Variants in AMPH observed in about 807,000 individuals in gnomAD.
AMPH encodes the protein amphiphysin, also known as amphiphysin (Stiff-Mann syndrome with breast cancer 128kD autoantigen).
AMPH carries 49 observed loss-of-function variants against 99.1 expected under a neutral mutation model. That is an observed-to-expected ratio of 0.49 (90% CI 0.39 to 0.63). AMPH has a LOEUF of 0.63. Among genes scored for constraint, AMPH ranks in the 20% least tolerant of loss-of-function variants. AMPH has a pLI of 0.00. For synonymous variants in AMPH, 314 were observed against 317.3 expected (o/e 0.99, Z 0.11); for missense variants, 759 against 863.4 (o/e 0.88, Z 1.52).
At chr7:38,621,529 T>A (rs956122571) in intron 1 of AMPH, among the ~76,000 whole-genome samples, 1 of 152,204 alleles carries the variant, frequency 6.6e-6, no homozygotes, top group Non-Finnish European at 1.5e-5. Flanking sequence ...CAACAACTTT[T>A]AGGTGCCTTG....
At chr7:38,509,029 G>A (rs556178940) in intron 2 of AMPH, among the ~76,000 whole-genome samples, 2 of 152,238 alleles carry the variant, frequency 1.3e-5, no homozygotes, top group South Asian at 2.1e-4. Flanking sequence ...AAAAGTTCAG[G>A]TGCTGTTAAA....
At chr7:38,610,162 G>A (rs1793575453) in intron 1 of AMPH, among the ~76,000 whole-genome samples, 1 of 147,388 alleles carries the variant, frequency 6.8e-6, no homozygotes, top group African/African-American at 2.5e-5. Flanking sequence ...CTTGAACCTA[G>A]GAGGCAGAGG....
At chr7:38,429,784 T>A in intron 14 of AMPH, 58 bp downstream of exon 14, 1 of 1,497,296 alleles carries the variant, frequency 6.7e-7, no homozygotes, top group East Asian at 2.3e-5. Context: ...AAATATACTA[T>A]GTATGTAATG....
At chr7:38,567,280 A>G (rs972403289) in intron 1 of AMPH, among the ~76,000 whole-genome samples, 1 of 152,194 alleles carries the variant, frequency 6.6e-6, no homozygotes, top group African/African-American at 2.4e-5. Flanking sequence ...TCAGCAAACT[A>G]TCACAAGGAC....
intron 15 of AMPH, 127 bp downstream of exon 15, chr7:38,426,826 TG>T: frequency 1.4e-6 from 1 of 737,474 alleles, no homozygotes; most frequent in Non-Finnish European, 2.3e-6. Flanking sequence ...CTGTAAGTAG[TG>T]GGGTCCAATT....
chr7:38,623,563 A>T (rs917929169), intron 1 of AMPH, among the ~76,000 whole-genome samples: 1 of 152,224 alleles, frequency 6.6e-6, no homozygotes, highest in Non-Finnish European at 1.5e-5. Context: ...TGCAGGCAAC[A>T]AAAGAGATTT....
At chr7:38,476,233 A>C (rs1788081364) in intron 6 of AMPH, among the ~76,000 whole-genome samples, 1 of 152,200 alleles carries the variant, frequency 6.6e-6, no homozygotes, top group Non-Finnish European at 1.5e-5. Context: ...TTTATGCTGT[A>C]CTAAGAAATA....
At chr7:38,625,444 C>A (rs549006938) in intron 1 of AMPH, among the ~76,000 whole-genome samples, 29 of 152,210 alleles carry the variant, frequency 1.9e-4, no homozygotes, top group Admixed American at 7.8e-4. Context: ...AAACAAAAAG[C>A]TGCATGAAAA....
intron 15 of AMPH, among the ~76,000 whole-genome samples, chr7:38,423,347 C>T (rs1457993039): frequency 1.3e-5 from 2 of 152,170 alleles, no homozygotes; most frequent in African/African-American, 2.4e-5. Flanking sequence ...CAGGCTTGCA[C>T]CCTCCAAACA....
At chr7:38,472,545 A>T (rs948189675) in intron 7 of AMPH, among the ~76,000 whole-genome samples, 6 of 152,202 alleles carry the variant, frequency 3.9e-5, no homozygotes, top group Non-Finnish European at 7.4e-5. Flanking sequence ...TTATACATGT[A>T]AAGTACATAA....
Position 38,445,010 on chromosome 7 carries a change from T to TATATATATATATACACACACAC in AMPH, c.1018-8623_1018-8622insGTGTGTGTGTATATATATATAT, listed in dbSNP as rs1458295332. ...ATATACATATATATATATATATATA[T>TATATATATATATACACACACAC]ACACACACACACACGGTATATACAT... On this transcript the variant is annotated intron_variant, in intron 11 of 20. Transcript: ENST00000356264. Among the ~76,000 whole-genome samples, 6 of 125,978 alleles carry TATATATATATATACACACACAC rather than the reference T, an allele frequency of 4.8e-5. No homozygotes were observed. The East Asian group carries it at 1.7e-3, about 35-fold the overall frequency. The allele number at this position is 125,978 out of a possible 152,430, so 82.6% of individuals were successfully genotyped here.
chr7:38,556,379 G>A (rs1422550532), intron 1 of AMPH, among the ~76,000 whole-genome samples: 4 of 152,178 alleles, frequency 2.6e-5, no homozygotes, highest in Non-Finnish European at 4.4e-5. Context: ...AAAAATGAAT[G>A]AGAAACTGCC....
intron 4 of AMPH, among the ~76,000 whole-genome samples, chr7:38,492,363 G>A (rs1205827144): frequency 6.6e-6 from 1 of 152,194 alleles, no homozygotes; most frequent in Non-Finnish European, 1.5e-5. Context: ...TGCCCGTGAA[G>A]GCATGCTAAA....
At position 38,389,887 on chromosome 7, in the gene AMPH, A is replaced by G. The variant is rs964117064; in HGVS notation, c.1897T>C (p.Phe633Leu). The change falls in exon 20 of 21, where the codon TTT becomes CTT. Residue 633 changes from phenylalanine (F) to leucine (L), a missense_variant. By Grantham distance (22) the Phe-to-Leu change is conservative (BLOSUM62 0). This residue lies in a region of AMPH where 554 missense variants were observed against 575.6 expected (regional missense o/e 0.96). Coordinates refer to ENST00000356264, the MANE Select transcript of AMPH (RefSeq NM_001635.4). ...FLYKVETLHD[F>L]EAANSDELTL... Reference sequence around the variant, plus strand: ...AGTTCATCAGAATTTGCTGCCTCAAAATCATGCAGTGTTTCCACCTGCAGA... The same window carrying G: ...AGTTCATCAGAATTTGCTGCCTCAAGATCATGCAGTGTTTCCACCTGCAGA... 6 of 1,613,534 alleles carry G rather than the reference A, an allele frequency of 3.7e-6. No individual in the cohort carries two copies. The African/African-American group carries it at 6.7e-5, about 18-fold the overall frequency.
intron 1 of AMPH, among the ~76,000 whole-genome samples, chr7:38,543,877 C>T (rs2129043791): frequency 6.6e-6 from 1 of 152,206 alleles, no homozygotes; most frequent in African/African-American, 2.4e-5. Flanking sequence ...TACAGAGTCT[C>T]AAAGAATACT....
intron 1 of AMPH, among the ~76,000 whole-genome samples, chr7:38,594,747 G>A (rs1792989643): frequency 6.6e-6 from 1 of 151,934 alleles, no homozygotes; most frequent in Non-Finnish European, 1.5e-5. Context: ...AAAAACTATG[G>A]GCCAAACAAA....
intron 1 of AMPH, among the ~76,000 whole-genome samples, chr7:38,583,682 G>T (rs1792546246): frequency 6.6e-6 from 1 of 152,178 alleles, no homozygotes; most frequent in Non-Finnish European, 1.5e-5. Context: ...ATAAAGCAGA[G>T]CCCCTGCCCC....
intron 1 of AMPH, among the ~76,000 whole-genome samples, chr7:38,583,843 T>C (rs186563430): frequency 6.6e-6 from 1 of 152,222 alleles, no homozygotes; most frequent in African/African-American, 2.4e-5. Flanking sequence ...CCAAGTCCTA[T>C]AATCTTCCTT....
At chr7:38,508,993 T>A (rs962777825) in intron 2 of AMPH, among the ~76,000 whole-genome samples, 1 of 152,186 alleles carries the variant, frequency 6.6e-6, no homozygotes, top group African/African-American at 2.4e-5. Context: ...ACTCCTGGCT[T>A]ACTAAGAAAT....
Sources: gnomAD v4.1 joint callset for allele counts (sites outside exome capture counted in the v4.1 genomes callset) on GRCh38, gnomAD v4.1.1 for gene constraint, gnomAD v4.1.1 regional missense constraint, MANE v1.5 for transcripts, NCBI Gene and HGNC (gene_info 2026-07-23, HGNC 2026-07-21) for gene names.